Variants in CHL1 observed in about 807,000 individuals in gnomAD.
CHL1 encodes the protein cell adhesion molecule L1 like.
In CHL1, 96 loss-of-function variants were observed where a neutral mutation model predicts 141.9. The observed-to-expected ratio is 0.68, with a 90% confidence interval of 0.57 to 0.80. The LOEUF is 0.80. CHL1 is among the 30% of genes least tolerant of loss of function. CHL1 has a pLI of 0.00. For synonymous variants in CHL1, 613 were observed against 502.2 expected (o/e 1.22, Z -2.95); for missense variants, 1,820 against 1,457.2 (o/e 1.25, Z -4.05).
intron 2 of CHL1, among the ~76,000 whole-genome samples, chr3:253,953 T>C (rs1158930064): frequency 2.6e-5 from 4 of 152,016 alleles, no homozygotes; most frequent in Non-Finnish European, 4.4e-5. Context: ...TTAGATATTA[T>C]ATACATTTTG....
intron 15 of CHL1, among the ~76,000 whole-genome samples, chr3:366,876 A>G (rs974911838): frequency 3.3e-5 from 5 of 152,148 alleles, no homozygotes; most frequent in African/African-American, 1.2e-4. Context: ...TGCCAGAACC[A>G]CTGTCTGCTC....
At chr3:319,607 AAAAG>A in intron 2 of CHL1, 72 bp from the exon 3 acceptor site, 9 of 511,838 alleles carry the variant, frequency 1.8e-5, no homozygotes, top group African/African-American at 1.2e-4. Flanking sequence ...AAAAAAAAAA[AAAAG>A]AAGGTATTTA....
intron 2 of CHL1, among the ~76,000 whole-genome samples, chr3:312,733 A>G (rs956468259): frequency 1.3e-5 from 2 of 152,238 alleles, no homozygotes; most frequent in African/African-American, 4.8e-5. Context: ...ATGGCTTTAT[A>G]TAAGACATCT....
At chr3:347,446 T>C (rs532342785) in intron 9 of CHL1, among the ~76,000 whole-genome samples, 49 of 152,330 alleles carry the variant, frequency 3.2e-4, no homozygotes, top group Non-Finnish European at 6.2e-4. Flanking sequence ...ATTTTTGCCA[T>C]GGTATAGACC....
At chr3:342,741 T>C (rs866755300) in intron 7 of CHL1, among the ~76,000 whole-genome samples, 10 of 152,284 alleles carry the variant, frequency 6.6e-5, no homozygotes, top group Middle Eastern at 6.8e-3. Flanking sequence ...TATAACATTC[T>C]TCTAGTAGCC....
chr3:320,996 A>G (rs915244834), intron 3 of CHL1, among the ~76,000 whole-genome samples: 1 of 152,096 alleles, frequency 6.6e-6, no homozygotes, highest in Non-Finnish European at 1.5e-5. Context: ...TTGAGCTCAT[A>G]AAATTTAATA....
intron 1 of CHL1, among the ~76,000 whole-genome samples, chr3:234,622 C>CGGATCTT (rs1691766238): frequency 6.6e-6 from 1 of 151,982 alleles, no homozygotes; most frequent in African/African-American, 2.4e-5. Flanking sequence ...TGGTGAGGCA[C>CGGATCTT]GGATCTTGGA....
At chr3:271,438 C>CA (rs567287260) in intron 2 of CHL1, among the ~76,000 whole-genome samples, 75 of 151,996 alleles carry the variant, frequency 4.9e-4, no homozygotes, top group African/African-American at 1.7e-3. Flanking sequence ...GACCCTGTCT[C>CA]AAAAAAATCA....
In CHL1 at chr3:405,968, T is replaced by C; in HGVS notation, c.*257T>C. ...ACACAAAACAAATCCTGCATTTAGA[T>C]ACACCTCAACTAAATCCAAAGTCCC... On this transcript the variant is annotated 3_prime_UTR_variant, in exon 28 of 28. Coordinates refer to ENST00000256509, the MANE Select transcript of CHL1 (RefSeq NM_006614.4). 2.6e-6 allele frequency: 1 copy of C among 392,064 alleles called. No homozygotes were observed. The highest frequency in any genetic ancestry group is 4.7e-6 in the Non-Finnish European group (1 of 210,948). The allele number at this position is 392,064 out of a possible 1,614,324, so 24.3% of individuals were successfully genotyped here. A position where few individuals can be genotyped will look rare whatever the true frequency, so the allele number is the denominator to read the frequency against.
At chr3:322,399 A>T (rs1412938976) in intron 3 of CHL1, among the ~76,000 whole-genome samples, 2 of 151,806 alleles carry the variant, frequency 1.3e-5, no homozygotes, top group Non-Finnish European at 2.9e-5. Flanking sequence ...GGTTTCCAGA[A>T]TTCTTGGGGT....
intron 2 of CHL1, among the ~76,000 whole-genome samples, chr3:277,622 G>T (rs1027718064): frequency 1.3e-5 from 2 of 151,896 alleles, no homozygotes; most frequent in African/African-American, 4.8e-5. Context: ...GGAAAAAAAT[G>T]CAAAAAAAGG....
chr3:354,202 GT>G (rs1703506416), intron 10 of CHL1, among the ~76,000 whole-genome samples: 1 of 151,992 alleles, frequency 6.6e-6, no homozygotes, highest in African/African-American at 2.4e-5. Context: ...ATTTTAATTA[GT>G]TTTATTTTTA....
At chr3:370,537 CA>C (rs142286746) in intron 15 of CHL1, among the ~76,000 whole-genome samples, 11 of 144,878 alleles carry the variant, frequency 7.6e-5, no homozygotes, top group African/African-American at 2.5e-4. Flanking sequence ...TTAATTTTTT[CA>C]AAAAAAAAAA....
rs537208760 is a variant in CHL1, at chr3:271,662, G to T, written c.-95+26970G>T. Among the ~76,000 whole-genome samples, 17 of 152,348 alleles carry T rather than the reference G, an allele frequency of 1.1e-4. 1 individual carries two copies. Among genetic ancestry groups the T allele is most frequent in the African/African-American group, 4.1e-4 (17 of 41,590 alleles). ...GGCATAAATAGAAAGCCAGCGCGCA[G>T]AGCAGAGAAGGCTGATATTTTTATG... On this transcript the variant is annotated intron_variant, in intron 2 of 27. Transcript: ENST00000256509.
intron 13 of CHL1, among the ~76,000 whole-genome samples, chr3:362,901 A>G (rs1359056970): frequency 6.6e-6 from 1 of 152,202 alleles, no homozygotes; most frequent in Non-Finnish European, 1.5e-5. Context: ...ATCATTAACT[A>G]AAGAGTTCAC....
chr3:394,242 A>C (rs1708482137), intron 23 of CHL1, among the ~76,000 whole-genome samples: 1 of 152,226 alleles, frequency 6.6e-6, no homozygotes. Flanking sequence ...TAAACTAGAA[A>C]CCATAGAAGA....
chr3:222,798 C>T (rs778845349), intron 1 of CHL1, among the ~76,000 whole-genome samples: 25 of 152,168 alleles, frequency 1.6e-4, no homozygotes, highest in Admixed American at 1.4e-3. Context: ...TCTCTTCTAA[C>T]GCATATTGAT....
At position 320,358 on chromosome 3, in the gene CHL1, A is replaced by G. The variant is rs1303986503; in HGVS notation, c.91+491A>G. Among the ~76,000 whole-genome samples the G allele has an allele frequency of 3.3e-5, 5 of 152,002 alleles. No homozygotes were observed. The South Asian group carries it at 6.2e-4, about 19-fold the overall frequency. ...CAAGTAAAAGTATAAGATGATATGA[A>G]CTCTCAAAATTTACGGCATTATATA... On this transcript the variant is annotated intron_variant, in intron 3 of 27. Transcript: ENST00000256509.
chr3:384,039 A>G (rs1037142747), intron 19 of CHL1, among the ~76,000 whole-genome samples, 153 bp downstream of exon 19: 47 of 152,196 alleles, frequency 3.1e-4, no homozygotes, highest in African/African-American at 1.1e-3. Flanking sequence ...ACAAATTTTA[A>G]AGATCATTGT....
Sources: allele counts gnomAD v4.1 joint callset (sites outside exome capture counted in the v4.1 genomes callset), GRCh38; gene constraint gnomAD v4.1.1; transcripts MANE v1.5; gene names NCBI Gene and HGNC (gene_info 2026-07-23, HGNC 2026-07-21).